The following GXYLT1 variants were observed in gnomAD, a reference collection of about 807,000 sequenced individuals.
The protein encoded by GXYLT1 is glycosyltransferase 8 domain containing 3.
Under a neutral mutation model 54.0 loss-of-function variants are expected in GXYLT1, and 29 were observed. That is an observed-to-expected ratio of 0.54 (90% CI 0.40 to 0.73). The LOEUF is 0.73. Ranked by LOEUF, GXYLT1 falls within the 30% of genes least tolerant of loss-of-function variation. The pLI is 0.00. For missense variants in GXYLT1, 490 were observed against 553.4 expected, an observed-to-expected ratio of 0.89 and a Z score of 1.15; for synonymous variants, 176 against 204.1, an observed-to-expected ratio of 0.86 and a Z score of 1.17.
At chr12:42,126,223 G>A (rs187934665) in intron 2 of GXYLT1, among the ~76,000 whole-genome samples, 5 of 152,130 alleles carry the variant, frequency 3.3e-5, no homozygotes, top group East Asian at 1.9e-4. Flanking sequence ...AAAGTTGCGC[G>A]CCACCATGCC....
chr12:42,107,966 C>G (rs182695424), intron 4 of GXYLT1, among the ~76,000 whole-genome samples: 112 of 152,178 alleles, frequency 7.4e-4, no homozygotes, highest in Non-Finnish European at 1.2e-3. Flanking sequence ...GGCATTGGCA[C>G]AGTTTACATT....
Position 42,085,117 on chromosome 12 carries a change from C to T in GXYLT1, c.*2669G>A, listed in dbSNP as rs893642005. 1 of 152,210 alleles carries T rather than the reference C, an allele frequency of 6.6e-6. No individual in the cohort carries two copies. Among genetic ancestry groups the T allele is most frequent in the Non-Finnish European group, 1.5e-5 (1 of 68,020 alleles). 9.4% of individuals were successfully genotyped at this position (152,210 alleles called of 1,614,324 possible). On this transcript the variant is annotated 3_prime_UTR_variant, in exon 8 of 8. Coordinates refer to ENST00000398675, the MANE Select transcript of GXYLT1 (RefSeq NM_173601.2). Reference sequence around the variant, plus strand: ...TTAGAATTCAAAAGAATTACCTTGTCTAAAGATAAATTCAGAAAATTCATT... The same window carrying T: ...TTAGAATTCAAAAGAATTACCTTGTTTAAAGATAAATTCAGAAAATTCATT...
intron 1 of GXYLT1, among the ~76,000 whole-genome samples, chr12:42,139,483 T>C (rs886539994): frequency 6.6e-6 from 1 of 152,016 alleles, no homozygotes; most frequent in African/African-American, 2.4e-5. Context: ...GGGGGCCTTA[T>C]AAAAGGGGCC....
intron 3 of GXYLT1, among the ~76,000 whole-genome samples, chr12:42,116,879 A>G (rs1057292072): frequency 6.6e-6 from 1 of 152,216 alleles, no homozygotes; most frequent in South Asian, 2.1e-4. Flanking sequence ...GAACCAACCT[A>G]AATGTCCCAC....
intron 7 of GXYLT1, among the ~76,000 whole-genome samples, chr12:42,091,582 G>A (rs1824207688): frequency 6.6e-6 from 1 of 152,064 alleles, no homozygotes; most frequent in African/African-American, 2.4e-5. Flanking sequence ...ATTTCTGAAG[G>A]CATACAAAGC....
At chr12:42,125,978 G>C (rs949429300) in intron 2 of GXYLT1, among the ~76,000 whole-genome samples, 1 of 152,090 alleles carries the variant, frequency 6.6e-6, no homozygotes, top group Admixed American at 6.5e-5. Context: ...AGTGAGCCCT[G>C]GTGGTGCTAC....
rs201192723 is a variant in GXYLT1 at position 42,123,492 on chromosome 12, A to C, written c.315-4321T>G. ...AAATTTATCAAAGTAAAAATTTAGGAGGTAGGGGTTTATCATAAAAAAAGA... is the reference window on the plus strand; with the variant it reads ...AAATTTATCAAAGTAAAAATTTAGGCGGTAGGGGTTTATCATAAAAAAAGA... On this transcript the variant is annotated intron_variant, in intron 2 of 7. Coordinates refer to ENST00000398675, the MANE Select transcript of GXYLT1 (RefSeq NM_173601.2). Among the ~76,000 whole-genome samples the C allele has an allele frequency of 1.2e-4, 18 of 152,266 alleles. No homozygotes were observed. In the East Asian group the frequency reaches 1.9e-3, roughly 16 times the overall value.
In GXYLT1 at chr12:42,128,810, A is replaced by G. The variant is rs116220976; in HGVS notation, c.314+949T>C. ...CACGGCTCAAGCAATCCTCCCACCCAAGCCAGCGCATGCCACCATGCCTGG... is the reference window on the plus strand; with the variant it reads ...CACGGCTCAAGCAATCCTCCCACCCGAGCCAGCGCATGCCACCATGCCTGG... On this transcript the variant is annotated intron_variant, in intron 2 of 7. Transcript: ENST00000398675. Among the ~76,000 whole-genome samples the G allele has an allele frequency of 2.8e-3, 431 of 152,054 alleles. 2 individuals carry two copies. Among genetic ancestry groups the G allele is most frequent in the African/African-American group, 9.3e-3 (384 of 41,486 alleles).
intron 1 of GXYLT1, among the ~76,000 whole-genome samples, chr12:42,141,160 C>T (rs1019417661): frequency 1.2e-4 from 18 of 152,322 alleles, no homozygotes; most frequent in African/African-American, 3.8e-4. Context: ...CCAAGTAACA[C>T]TGACTGGTCC....
intron 3 of GXYLT1, among the ~76,000 whole-genome samples, chr12:42,113,512 A>G: frequency 6.6e-6 from 1 of 151,196 alleles, no homozygotes; most frequent in East Asian, 1.9e-4. Flanking sequence ...CTTTAAACCA[A>G]CAAAGATCAG....
chr12:42,103,548 CTATAGA>C (rs1384020527), intron 5 of GXYLT1, among the ~76,000 whole-genome samples: 3 of 152,008 alleles, frequency 2.0e-5, no homozygotes, highest in South Asian at 2.1e-4. Context: ...CAATGTTTTG[CTATAGA>C]TATAAAGATC....
chr12:42,119,765 G>A (rs2065519481), intron 2 of GXYLT1, among the ~76,000 whole-genome samples: 1 of 152,094 alleles, frequency 6.6e-6, no homozygotes, highest in Admixed American at 6.5e-5. Context: ...CTGTAATTGT[G>A]CCACTTTACT....
At position 42,104,710 on chromosome 12, in the gene GXYLT1, GAA is replaced by G. The variant is rs1276409395; in HGVS notation, c.864+1106_864+1107del. ...GTAAGAGGAAACAGTTCCAAATGAG[GAA>G]AAGACTTAAATCAGACATGTAGAAA... On this transcript the variant is annotated intron_variant, in intron 5 of 7. Coordinates refer to ENST00000398675, the MANE Select transcript of GXYLT1 (RefSeq NM_173601.2). Among the ~76,000 whole-genome samples, 3 of 152,208 alleles carry G rather than the reference GAA, an allele frequency of 2.0e-5. No homozygotes were observed. In the East Asian group the frequency reaches 5.8e-4, roughly 29 times the overall value.
At chr12:42,105,782 G>A (rs1430197257) in intron 5 of GXYLT1, 36 bp downstream of exon 5, 5 of 1,533,744 alleles carry the variant, frequency 3.3e-6, no homozygotes, top group Non-Finnish European at 4.4e-6. Flanking sequence ...AAGGTTTTTA[G>A]AGAAATGTTA....
chr12:42,132,270 T>G (rs761984600), intron 1 of GXYLT1, among the ~76,000 whole-genome samples: 3 of 152,172 alleles, frequency 2.0e-5, no homozygotes, highest in Non-Finnish European at 4.4e-5. Flanking sequence ...TTTTCACCAA[T>G]ATCCGCAGAT....
chr12:42,096,648 A>C (rs543536103), intron 7 of GXYLT1, among the ~76,000 whole-genome samples: 1 of 152,174 alleles, frequency 6.6e-6, no homozygotes, highest in Non-Finnish European at 1.5e-5. Flanking sequence ...TGCAAATAAC[A>C]TGGTGAAGAT....
At chr12:42,127,758 T>A (rs1468774806) in intron 2 of GXYLT1, among the ~76,000 whole-genome samples, 1 of 152,234 alleles carries the variant, frequency 6.6e-6, no homozygotes, top group African/African-American at 2.4e-5. Context: ...GTGGTTCTTG[T>A]CAATACTATA....
intron 7 of GXYLT1, among the ~76,000 whole-genome samples, chr12:42,095,229 A>G (rs1055088403): frequency 6.6e-6 from 1 of 152,214 alleles, no homozygotes; most frequent in East Asian, 1.9e-4. Context: ...GGAGGAACAC[A>G]GGTAATAATT....
chr12:42,100,540 A>C (rs1361829200), intron 5 of GXYLT1, among the ~76,000 whole-genome samples: 1 of 151,852 alleles, frequency 6.6e-6, no homozygotes, highest in Non-Finnish European at 1.5e-5. Flanking sequence ...AAAAAAGAGA[A>C]GGCCAGAATT....
Sources: gnomAD v4.1 joint callset for allele counts (sites outside exome capture counted in the v4.1 genomes callset) on GRCh38, gnomAD v4.1.1 for gene constraint, MANE v1.5 for transcripts, NCBI Gene and HGNC (gene_info 2026-07-23, HGNC 2026-07-21) for gene names.